MARCHF1: variants seen among roughly 807,000 people sequenced by gnomAD.
The protein encoded by MARCHF1 is E3 ubiquitin-protein ligase MARCHF1.
A neutral mutation model predicts 54.2 loss-of-function variants in MARCHF1; 40 were observed. The ratio of observed to expected loss-of-function variants is 0.74; its 90% confidence interval spans 0.57 to 0.96. MARCHF1 has a LOEUF of 0.96. Ranked by LOEUF, MARCHF1 falls within the 40% of genes least tolerant of loss-of-function variation. MARCHF1 has a pLI of 0.00. For missense variants in MARCHF1, 586 were observed against 656.5 expected, an observed-to-expected ratio of 0.89 and a Z score of 1.17; for synonymous variants, 236 against 236.3, an observed-to-expected ratio of 1.00 and a Z score of 0.01.
intron 3 of MARCHF1, among the ~76,000 whole-genome samples, chr4:163,930,949 T>G (rs144789537): frequency 6.6e-6 from 1 of 152,110 alleles, no homozygotes; most frequent in Admixed American, 6.6e-5. Flanking sequence ...CAAATTCATA[T>G]GTGGAAGCCT....
chr4:163,825,987 A>T (rs1299405846), intron 4 of MARCHF1, among the ~76,000 whole-genome samples: 1 of 152,022 alleles, frequency 6.6e-6, no homozygotes, highest in African/African-American at 2.4e-5. Flanking sequence ...GTCATACAAC[A>T]TGAGTAAAAT....
At position 163,700,690 on chromosome 4, in the gene MARCHF1, C is replaced by A. The variant is rs538099144; in HGVS notation, c.162+123G>T. On this transcript the variant is annotated intron_variant, in intron 5 of 9. Transcript: ENST00000514618. ...CAGTAAAAGCTTAAAAGAGTTAAAA[C>A]CATGAACAAATCACATTTGTGTTCT... 1.1e-4 allele frequency: 84 copies of A among 730,606 alleles called. 1 individual carries two copies. In the South Asian group the frequency reaches 1.4e-3, roughly 12 times the overall value. The allele number at this position is 730,606 out of a possible 1,614,324, so 45.3% of individuals were successfully genotyped here. A position where few individuals can be genotyped will look rare whatever the true frequency, so the allele number is the denominator to read the frequency against.
At chr4:163,839,594 AG>A (rs1344229718) in intron 4 of MARCHF1, among the ~76,000 whole-genome samples, 2 of 152,166 alleles carry the variant, frequency 1.3e-5, no homozygotes, top group Non-Finnish European at 2.9e-5. Context: ...AAAAGATGTC[AG>A]TCACAAAAGA....
chr4:164,312,469 C>T (rs909932054), intron 1 of MARCHF1, among the ~76,000 whole-genome samples: 1 of 151,376 alleles, frequency 6.6e-6, no homozygotes, highest in African/African-American at 2.4e-5. Flanking sequence ...ACTACAGGCG[C>T]CCGCCACTAC....
chr4:163,594,759 A>ACACACACACAC (rs1560962635), intron 7 of MARCHF1, among the ~76,000 whole-genome samples: 72 of 65,698 alleles, frequency 1.1e-3, no homozygotes, highest in African/African-American at 2.9e-3. Context: ...TCAAAACACA[A>ACACACACACAC]ACACACACAC....
At chr4:163,613,442 G>A (rs765507794) in intron 5 of MARCHF1, 49 bp from the exon 6 acceptor site, 34 of 1,612,518 alleles carry the variant, frequency 2.1e-5, no homozygotes, top group Non-Finnish European at 2.2e-5. Context: ...GGTAATACAT[G>A]GTTGATATCT....
At chr4:163,716,274 A>T (rs1455690858) in intron 4 of MARCHF1, among the ~76,000 whole-genome samples, 1 of 152,216 alleles carries the variant, frequency 6.6e-6, no homozygotes. Flanking sequence ...ATTTGGATTT[A>T]GTCCTAATTT....
intron 7 of MARCHF1, among the ~76,000 whole-genome samples, chr4:163,611,234 T>C (rs1338258084): frequency 2.0e-5 from 3 of 152,096 alleles, no homozygotes; most frequent in Admixed American, 1.3e-4. Flanking sequence ...CTTGAATACA[T>C]ATATGAATGA....
rs188486119 is a variant in MARCHF1, at chr4:163,844,242, T to C, written c.111+9779A>G. On this transcript the variant is annotated intron_variant, in intron 4 of 9. Coordinates refer to ENST00000514618, the MANE Select transcript of MARCHF1 (RefSeq NM_001394959.1). ...CATGAGGTACGTGGTTTTCTGTTCC[T>C]GTGTTAGTTTTTGCCCATGTTTTAA... Among the ~76,000 whole-genome samples, 71 of 152,232 alleles carry C rather than the reference T, an allele frequency of 4.7e-4. 1 individual carries two copies. Among genetic ancestry groups the C allele is most frequent in the African/African-American group, 1.7e-3 (69 of 41,562 alleles).
At chr4:164,183,751 C>T (rs1338579927) in intron 1 of MARCHF1, among the ~76,000 whole-genome samples, 1 of 152,048 alleles carries the variant, frequency 6.6e-6, no homozygotes, top group African/African-American at 2.4e-5. Flanking sequence ...GAGGAAGAAG[C>T]CAACCATAAC....
At chr4:163,954,836 G>T (rs1395894846) in intron 3 of MARCHF1, among the ~76,000 whole-genome samples, 1 of 152,124 alleles carries the variant, frequency 6.6e-6, no homozygotes, top group East Asian at 1.9e-4. Context: ...TGCTTTAAGA[G>T]CTATAATTTT....
chr4:164,075,124 T>G (rs1387561512), intron 2 of MARCHF1, among the ~76,000 whole-genome samples: 1 of 152,128 alleles, frequency 6.6e-6, no homozygotes, highest in African/African-American at 2.4e-5. Context: ...GCTTTTCTAT[T>G]TGAATCATCT....
chr4:164,131,653 G>C (rs1159043064), intron 1 of MARCHF1, among the ~76,000 whole-genome samples: 2 of 152,078 alleles, frequency 1.3e-5, no homozygotes, highest in Non-Finnish European at 2.9e-5. Flanking sequence ...GTTTTATTAA[G>C]GAGAAGAGCA....
At chr4:163,939,368 G>T (rs556706066) in intron 3 of MARCHF1, among the ~76,000 whole-genome samples, 1 of 152,266 alleles carries the variant, frequency 6.6e-6, no homozygotes, top group South Asian at 2.1e-4. Context: ...TAAGATCTCT[G>T]ATGCAGATGA....
intron 3 of MARCHF1, among the ~76,000 whole-genome samples, chr4:163,969,358 T>A (rs1220919456): frequency 6.6e-6 from 1 of 152,186 alleles, no homozygotes; most frequent in Non-Finnish European, 1.5e-5. Flanking sequence ...AAATTTTTGC[T>A]GGAATGAGAA....
intron 4 of MARCHF1, among the ~76,000 whole-genome samples, chr4:163,785,138 T>A (rs141918973): frequency 1.1e-4 from 17 of 152,252 alleles, no homozygotes; most frequent in Admixed American, 9.8e-4. Flanking sequence ...TTTAATTTCA[T>A]TGAGTACATA....
intron 7 of MARCHF1, among the ~76,000 whole-genome samples, chr4:163,606,510 C>T (rs1419788859): frequency 6.6e-6 from 1 of 151,978 alleles, no homozygotes; most frequent in Non-Finnish European, 1.5e-5. Context: ...GAAAAGATAA[C>T]TGTGGACCAG....
At chr4:164,330,813 C>A (rs962176370) in intron 1 of MARCHF1, among the ~76,000 whole-genome samples, 37 of 152,192 alleles carry the variant, frequency 2.4e-4, no homozygotes, top group African/African-American at 7.5e-4. Context: ...GATTTTACCA[C>A]ATTTTTTGAA....
chr4:163,559,632 C>A (rs576828962), intron 8 of MARCHF1, among the ~76,000 whole-genome samples: 1 of 152,268 alleles, frequency 6.6e-6, no homozygotes, highest in East Asian at 1.9e-4. Flanking sequence ...AAAGATGGTC[C>A]TTTATTTTAG....
Sources: gnomAD v4.1 joint callset for allele counts (sites outside exome capture counted in the v4.1 genomes callset) on GRCh38, gnomAD v4.1.1 for gene constraint, MANE v1.5 for transcripts, NCBI Gene and HGNC (gene_info 2026-07-23, HGNC 2026-07-21) for gene names.